HACD1: variants seen among roughly 807,000 people sequenced by gnomAD.
HACD1 encodes the protein very-long-chain (3R)-3-hydroxyacyl-CoA dehydratase 1.
Under a neutral mutation model 32.0 loss-of-function variants are expected in HACD1, and 41 were observed. The observed-to-expected ratio is 1.28, with a 90% CI of 1.00 to 1.66. The LOEUF (loss-of-function observed/expected upper bound fraction) is 1.66. Ranked by LOEUF, HACD1 falls within the 40% of genes most tolerant of loss-of-function variation. The probability of loss-of-function intolerance (pLI) is 0.00; values close to 1 mark genes in which losing one functional copy is unlikely to be tolerated. For missense variants in HACD1, 396 were observed against 380.1 expected (o/e 1.04, Z -0.35); for synonymous variants, 142 against 139.0 (o/e 1.02, Z -0.15).
At chr10:17,603,880 G>A in intron 2 of HACD1, 50 bp downstream of exon 2, 1 of 1,510,272 alleles carries the variant, frequency 6.6e-7, no homozygotes, top group Non-Finnish European at 9.1e-7. Context: ...AACAAAAAAT[G>A]TTCACATAAA....
At chr10:17,601,770 C>T (rs1244277400) in intron 4 of HACD1, among the ~76,000 whole-genome samples, 1 of 152,144 alleles carries the variant, frequency 6.6e-6, no homozygotes. Flanking sequence ...GCTATCTGCA[C>T]TATCTGCATG....
chr10:17,611,490 A>G (rs1834235500), intron 1 of HACD1, among the ~76,000 whole-genome samples: 1 of 152,110 alleles, frequency 6.6e-6, no homozygotes, highest in Non-Finnish European at 1.5e-5. Flanking sequence ...CACTTATCTC[A>G]TTATTTTATT....
intron 6 of HACD1, among the ~76,000 whole-genome samples, chr10:17,592,803 G>A (rs1486139869): frequency 6.6e-6 from 1 of 152,214 alleles, no homozygotes. Flanking sequence ...CTCCCGAACT[G>A]GCTGGGGTAG....
At chr10:17,604,303 G>A (rs1834113897) in intron 1 of HACD1, among the ~76,000 whole-genome samples, 2 of 151,996 alleles carry the variant, frequency 1.3e-5, no homozygotes, top group South Asian at 4.2e-4. Flanking sequence ...GGCTAACACG[G>A]TGAAACCCCG....
chr10:17,615,889 C>A (rs1554817985), intron 1 of HACD1: 1 of 420,812 alleles, frequency 2.4e-6, no homozygotes, highest in Non-Finnish European at 4.8e-6. Flanking sequence ...ATCGCTTGAA[C>A]TCCGGAGGCT....
intron 5 of HACD1, among the ~76,000 whole-genome samples, chr10:17,598,668 G>A (rs1323529159): frequency 6.6e-6 from 1 of 152,120 alleles, no homozygotes; most frequent in East Asian, 1.9e-4. Flanking sequence ...TCTCCAAAGA[G>A]CAGTTTTGCT....
intron 5 of HACD1, among the ~76,000 whole-genome samples, chr10:17,596,191 C>T (rs1397079670): frequency 6.6e-6 from 1 of 152,062 alleles, no homozygotes; most frequent in East Asian, 1.9e-4. Flanking sequence ...TCCTGTATGT[C>T]AAGGATATGC....
chr10:17,598,259 CAAAA>C (rs34543137), intron 5 of HACD1, among the ~76,000 whole-genome samples: 4 of 89,842 alleles, frequency 4.5e-5, no homozygotes, highest in Non-Finnish European at 6.2e-5. Context: ...GACCCTGTCT[CAAAA>C]AAAAAAAAAA....
intron 1 of HACD1, among the ~76,000 whole-genome samples, chr10:17,604,880 A>AT (rs1372666877): frequency 1.3e-5 from 2 of 152,074 alleles, no homozygotes; most frequent in African/African-American, 2.4e-5. Flanking sequence ...TAATTTTTGT[A>AT]TTTTTTGTAG....
chr10:17,594,656 A>C lies in HACD1; in HGVS notation c.606-273T>G, dbSNP rs182671929. 1.7e-4 allele frequency among the ~76,000 whole-genome samples: 26 copies of C among 152,192 alleles called. No homozygotes were observed. In the East Asian group the frequency reaches 4.4e-3, roughly 26 times the overall value. On this transcript the variant is annotated intron_variant, in intron 5 of 6. Coordinates refer to ENST00000361271, the MANE Select transcript of HACD1 (RefSeq NM_014241.4). ...AGTACCAAAATACTTTTATGTATTA[A>C]AAAATGTATATGTAGTTTTTCTTGT...
chr10:17,600,789 G>A (rs181585905), intron 4 of HACD1, among the ~76,000 whole-genome samples: 1 of 152,234 alleles, frequency 6.6e-6, no homozygotes, highest in Admixed American at 6.5e-5. Flanking sequence ...AAGTCCTTAG[G>A]TATACTGCAA....
intron 1 of HACD1, among the ~76,000 whole-genome samples, chr10:17,606,296 G>A (rs1309573334): frequency 2.0e-5 from 3 of 152,208 alleles, no homozygotes; most frequent in Non-Finnish European, 2.9e-5. Flanking sequence ...TTAAATATAA[G>A]CTAGAGTTGT....
intron 1 of HACD1, among the ~76,000 whole-genome samples, chr10:17,613,718 A>G (rs1415022172): frequency 2.0e-5 from 3 of 152,326 alleles, no homozygotes; most frequent in Non-Finnish European, 4.4e-5. Flanking sequence ...TTTGCCGGGG[A>G]AGGGTCAGAG....
At chr10:17,616,193 C>T (rs1554818052) in intron 1 of HACD1, among the ~76,000 whole-genome samples, 1 of 151,872 alleles carries the variant, frequency 6.6e-6, no homozygotes, top group Non-Finnish European at 1.5e-5. Context: ...GGCATGAACC[C>T]GGGAGGCGGA....
chr10:17,612,487 TA>T (rs1161234118), intron 1 of HACD1, among the ~76,000 whole-genome samples: 2 of 152,152 alleles, frequency 1.3e-5, no homozygotes, highest in Non-Finnish European at 2.9e-5. Flanking sequence ...TGCGAATAAG[TA>T]AAATATATTG....
chr10:17,605,350 C>T (rs1474983862), intron 1 of HACD1, among the ~76,000 whole-genome samples: 1 of 151,734 alleles, frequency 6.6e-6, no homozygotes, highest in African/African-American at 2.4e-5. Context: ...CATGGTGAAA[C>T]CCTGTCTCTA....
intron 1 of HACD1, among the ~76,000 whole-genome samples, chr10:17,605,800 A>G (rs1834138076): frequency 6.6e-6 from 1 of 151,560 alleles, no homozygotes; most frequent in African/African-American, 2.4e-5. Context: ...TTAAAAATAC[A>G]AAACTTAGCC....
chr10:17,599,210 C>T (rs188053884), intron 5 of HACD1, 80 bp downstream of exon 5: 11 of 1,556,792 alleles, frequency 7.1e-6, no homozygotes, highest in African/African-American at 4.1e-5. Flanking sequence ...GGCTGAAACA[C>T]GAATTTTAAT....
At chr10:17,615,892 C>T (rs782648935) in intron 1 of HACD1, 7 of 417,578 alleles carry the variant, frequency 1.7e-5, no homozygotes, top group African/African-American at 6.2e-5. Flanking sequence ...GCTTGAACTC[C>T]GGAGGCTGAG....
Sources: allele counts gnomAD v4.1 joint callset (sites outside exome capture counted in the v4.1 genomes callset), GRCh38; gene constraint gnomAD v4.1.1; transcripts MANE v1.5; gene names NCBI Gene and HGNC (gene_info 2026-07-23, HGNC 2026-07-21).